Variants in NOL4 observed in about 807,000 individuals in gnomAD.
The protein encoded by NOL4 is nucleolar protein 4.
Under a neutral mutation model 75.9 loss-of-function variants are expected in NOL4, and 17 were observed. That is an observed-to-expected ratio of 0.22 (90% confidence interval 0.15 to 0.34). NOL4 has a LOEUF of 0.34. Among genes scored for constraint, NOL4 ranks in the 10% least tolerant of loss-of-function variants. NOL4 has a pLI of 1.00. For missense variants in NOL4, 614 were observed against 793.5 expected, an observed-to-expected ratio of 0.77 and a Z score of 2.72; for synonymous variants, 292 against 289.9, an observed-to-expected ratio of 1.01 and a Z score of -0.07.
chr18:34,015,752 C>T (rs1600257229), intron 6 of NOL4, among the ~76,000 whole-genome samples: 2 of 152,086 alleles, frequency 1.3e-5, no homozygotes, highest in African/African-American at 4.8e-5. Context: ...TAAATATGTC[C>T]AATGGACACT....
intron 1 of NOL4, among the ~76,000 whole-genome samples, chr18:34,136,628 T>TA (rs1218304157): frequency 6.6e-6 from 1 of 152,082 alleles, no homozygotes; most frequent in East Asian, 1.9e-4. Flanking sequence ...GATATAATGT[T>TA]AAAAAAGGTG....
chr18:34,136,205 A>T (rs1407792091), intron 1 of NOL4, among the ~76,000 whole-genome samples: 5 of 152,178 alleles, frequency 3.3e-5, no homozygotes, highest in African/African-American at 1.2e-4. Flanking sequence ...CATGAGGGAC[A>T]TCTACAAAAA....
chr18:34,092,549 T>C (rs934204662), intron 5 of NOL4, among the ~76,000 whole-genome samples: 1 of 152,136 alleles, frequency 6.6e-6, no homozygotes, highest in African/African-American at 2.4e-5. Context: ...TACAGCAATC[T>C]TTTGCAACCA....
chr18:34,142,685 G>A lies in NOL4; in HGVS notation c.265-12665C>T, dbSNP rs568566006. Among the ~76,000 whole-genome samples, 517 of 152,236 alleles carry A rather than the reference G, an allele frequency of 3.4e-3. 2 individuals carry two copies. Among genetic ancestry groups the A allele is most frequent in the Non-Finnish European group, 6.4e-3 (436 of 68,034 alleles). The stretch of plus-strand genomic sequence containing the variant: ...ATCACACACTGGGGCCTGTTGTGGG[G>A]TGGGGGGAGGATGGAGGGATAGCTT... On this transcript the variant is annotated intron_variant, in intron 1 of 10. Transcript: ENST00000261592.
intron 2 of NOL4, among the ~76,000 whole-genome samples, chr18:34,116,968 T>C (rs2079889765): frequency 6.6e-6 from 1 of 152,192 alleles, no homozygotes; most frequent in African/African-American, 2.4e-5. Context: ...TATATAAACC[T>C]GCAAACCTCT....
chr18:34,056,295 C>A (rs1400210727), intron 5 of NOL4, among the ~76,000 whole-genome samples: 1 of 152,200 alleles, frequency 6.6e-6, no homozygotes, highest in Admixed American at 6.5e-5. Flanking sequence ...GAACGGCCTT[C>A]ATCAATGAGC....
intron 5 of NOL4, among the ~76,000 whole-genome samples, chr18:34,039,912 G>T (rs2076067064): frequency 6.6e-6 from 1 of 151,890 alleles, no homozygotes; most frequent in Non-Finnish European, 1.5e-5. Flanking sequence ...AATTGCATGA[G>T]ATACTCAACA....
Position 34,144,818 on chromosome 18 carries a change from G to A in NOL4, c.265-14798C>T, listed in dbSNP as rs115100095. The stretch of plus-strand genomic sequence containing the variant: ...ACGATAAAATCAAAGTGCCCTTTAC[G>A]TTAAAAGGCTGACATGCAGTTCTCC... On this transcript the variant is annotated intron_variant, in intron 1 of 10. Coordinates refer to ENST00000261592, the MANE Select transcript of NOL4 (RefSeq NM_003787.5). Among the ~76,000 whole-genome samples, 855 of 152,208 alleles carry A rather than the reference G, an allele frequency of 5.6e-3. 11 individuals carry two copies. Among genetic ancestry groups the A allele is most frequent in the African/African-American group, 0.02 (815 of 41,566 alleles).
intron 5 of NOL4, among the ~76,000 whole-genome samples, chr18:34,065,384 C>T (rs914720673): frequency 4.6e-5 from 7 of 151,854 alleles, no homozygotes; most frequent in African/African-American, 7.2e-5. Context: ...ATTACCCTTT[C>T]GGTTAAATGC....
intron 6 of NOL4, among the ~76,000 whole-genome samples, chr18:34,006,694 C>T (rs944839986): frequency 6.6e-5 from 10 of 151,980 alleles, no homozygotes; most frequent in African/African-American, 2.4e-4. Flanking sequence ...CAATTTACAG[C>T]AAAATAAGTG....
At chr18:33,941,528 T>G (rs192696962) in intron 9 of NOL4, among the ~76,000 whole-genome samples, 1 of 152,054 alleles carries the variant, frequency 6.6e-6, no homozygotes, top group Non-Finnish European at 1.5e-5. Context: ...TCTAGTTAAC[T>G]GATATCAATA....
At chr18:34,022,399 C>G (rs1454678390) in intron 5 of NOL4, among the ~76,000 whole-genome samples, 3 of 151,884 alleles carry the variant, frequency 2.0e-5, no homozygotes. Context: ...TTACATGGTA[C>G]TTTCCATAGG....
At chr18:34,187,698 T>A (rs2034596424) in intron 1 of NOL4, among the ~76,000 whole-genome samples, 1 of 152,228 alleles carries the variant, frequency 6.6e-6, no homozygotes, top group African/African-American at 2.4e-5. Context: ...TCCACTTCTT[T>A]TTAATGCTAA....
intron 1 of NOL4, among the ~76,000 whole-genome samples, chr18:34,155,208 C>A (rs958138574): frequency 6.6e-6 from 1 of 151,516 alleles, no homozygotes; most frequent in Admixed American, 6.6e-5. Flanking sequence ...ATATGAGAAT[C>A]TAATTTAGAC....
At chr18:34,083,844 A>G (rs1017687130) in intron 5 of NOL4, among the ~76,000 whole-genome samples, 1 of 152,226 alleles carries the variant, frequency 6.6e-6, no homozygotes, top group Non-Finnish European at 1.5e-5. Context: ...GATATAAAAA[A>G]GACAGAATAT....
chr18:34,145,489 A>G (rs2081360719), intron 1 of NOL4, among the ~76,000 whole-genome samples: 1 of 151,796 alleles, frequency 6.6e-6, no homozygotes, highest in Non-Finnish European at 1.5e-5. Context: ...ATAAATTTCT[A>G]GCATTCAATT....
chr18:34,117,332 C>A (rs1009691799), intron 2 of NOL4, among the ~76,000 whole-genome samples: 1 of 152,162 alleles, frequency 6.6e-6, no homozygotes, highest in African/African-American at 2.4e-5. Flanking sequence ...ATCACTTTAA[C>A]CACTGTTTTA....
chr18:33,938,845 T>G (rs2068256504), intron 9 of NOL4, among the ~76,000 whole-genome samples: 2 of 152,122 alleles, frequency 1.3e-5, no homozygotes, highest in African/African-American at 4.8e-5. Flanking sequence ...TCATGAAGTC[T>G]TTGTCCATGC....
At chr18:34,069,783 A>C (rs1600475323) in intron 5 of NOL4, among the ~76,000 whole-genome samples, 1 of 152,322 alleles carries the variant, frequency 6.6e-6, no homozygotes, top group East Asian at 1.9e-4. Context: ...AAGTCAGACC[A>C]CTATCTCTAG....
Sources: allele counts gnomAD v4.1 joint callset (sites outside exome capture counted in the v4.1 genomes callset), GRCh38; gene constraint gnomAD v4.1.1; transcripts MANE v1.5; gene names NCBI Gene and HGNC (gene_info 2026-07-23, HGNC 2026-07-21).